The following SEMA3C variants were observed in gnomAD, a reference collection of about 807,000 sequenced individuals.
SEMA3C encodes the protein semaphorin 3C.
Under a neutral mutation model 89.4 loss-of-function variants are expected in SEMA3C, and 47 were observed. That is an observed-to-expected ratio of 0.53 (90% CI 0.42 to 0.67). The LOEUF is 0.67. SEMA3C is among the 30% of genes least tolerant of loss of function. SEMA3C has a pLI of 0.00. For synonymous variants in SEMA3C, 310 were observed against 320.2 expected, an observed-to-expected ratio of 0.97 and a Z score of 0.34; for missense variants, 839 against 929.1, an observed-to-expected ratio of 0.90 and a Z score of 1.26.
intron 6 of SEMA3C, among the ~76,000 whole-genome samples, chr7:80,808,849 A>C (rs1789402265): frequency 6.6e-6 from 1 of 152,112 alleles, no homozygotes. Flanking sequence ...ATCTCGGCTC[A>C]CCACAACCTC....
intron 2 of SEMA3C, among the ~76,000 whole-genome samples, chr7:80,859,900 TA>T (rs1291583901): frequency 6.6e-6 from 1 of 152,056 alleles, no homozygotes. Flanking sequence ...AGTCCCTTTG[TA>T]AGTCTGCTAG....
intron 15 of SEMA3C, among the ~76,000 whole-genome samples, chr7:80,753,448 G>T (rs1210372269): frequency 1.3e-5 from 2 of 152,134 alleles, no homozygotes; most frequent in Non-Finnish European, 2.9e-5. Context: ...GTTTATTCAT[G>T]TATACAAACT....
intron 6 of SEMA3C, among the ~76,000 whole-genome samples, chr7:80,808,692 T>C (rs1210027283): frequency 6.6e-6 from 1 of 152,186 alleles, no homozygotes; most frequent in Non-Finnish European, 1.5e-5. Context: ...ATTTTAATGC[T>C]GGCAATACAT....
chr7:80,833,305 C>T (rs568728685), intron 2 of SEMA3C, among the ~76,000 whole-genome samples: 61 of 151,882 alleles, frequency 4.0e-4, no homozygotes, highest in East Asian at 3.9e-4. Flanking sequence ...TGGTGGCAGA[C>T]GCATGTAATC....
chr7:80,911,369 T>C (rs925562689), intron 2 of SEMA3C, among the ~76,000 whole-genome samples: 2 of 152,168 alleles, frequency 1.3e-5, no homozygotes, highest in African/African-American at 4.8e-5. Context: ...CAAAAAGTAG[T>C]ATACACCTAG....
chr7:80,827,591 A>G (rs181536139), intron 3 of SEMA3C, 104 bp from the exon 4 acceptor site: 96 of 716,640 alleles, frequency 1.3e-4, no homozygotes, highest in Middle Eastern at 2.7e-4. Context: ...AGGTGATCTT[A>G]CACTAAGACT....
chr7:80,917,210 C>T (rs772960681), intron 1 of SEMA3C, among the ~76,000 whole-genome samples: 4 of 152,172 alleles, frequency 2.6e-5, no homozygotes, highest in Non-Finnish European at 4.4e-5. Context: ...ACTCTTTCCC[C>T]CCACTAACGT....
intron 9 of SEMA3C, among the ~76,000 whole-genome samples, chr7:80,802,285 G>A (rs1789227108): frequency 6.6e-6 from 1 of 151,920 alleles, no homozygotes; most frequent in African/African-American, 2.4e-5. Flanking sequence ...AGCTACAATA[G>A]TAAAAATATA....
chr7:80,743,947 T>G lies in SEMA3C; in HGVS notation c.*947A>C, dbSNP rs1787739157. 1 of 152,094 alleles carries G rather than the reference T, an allele frequency of 6.6e-6. No individual in the cohort carries two copies. The allele number at this position is 152,094 out of a possible 1,614,324, so 9.4% of individuals were successfully genotyped here. A position where few individuals can be genotyped will look rare whatever the true frequency, so the allele number is the denominator to read the frequency against. On this transcript the variant is annotated 3_prime_UTR_variant, in exon 18 of 18. Transcript: ENST00000265361. ...AGTTGAAAACTAGCCATATTTGTTA[T>G]AAATTCCTCTTAAAAAATTAGTAGT...
intron 2 of SEMA3C, among the ~76,000 whole-genome samples, chr7:80,867,703 C>A (rs147983951): frequency 6.7e-6 from 1 of 148,528 alleles, no homozygotes; most frequent in African/African-American, 2.6e-5. Context: ...CTTTCTATAT[C>A]GATATGTATA....
intron 2 of SEMA3C, among the ~76,000 whole-genome samples, chr7:80,860,608 C>T (rs1790748935): frequency 6.6e-6 from 1 of 152,138 alleles, no homozygotes; most frequent in African/African-American, 2.4e-5. Flanking sequence ...AATCAGAGAG[C>T]AAGATCTAAG....
chr7:80,789,596 T>C (rs1413639419), intron 11 of SEMA3C, 68 bp from the exon 12 acceptor site: 21 of 1,141,908 alleles, frequency 1.8e-5, no homozygotes, highest in Non-Finnish European at 2.6e-5. Flanking sequence ...AATCAAAAAC[T>C]CTCTACTTTT....
intron 4 of SEMA3C, 49 bp from the exon 5 acceptor site, chr7:80,818,467 T>C (rs1037420463): frequency 6.3e-7 from 1 of 1,579,890 alleles, no homozygotes; most frequent in Non-Finnish European, 8.7e-7. Context: ...ACTTTCATTG[T>C]TATTTCAGTT....
At chr7:80,750,473 T>TATATATATATACACACAC (rs869227686) in intron 16 of SEMA3C, among the ~76,000 whole-genome samples, 11 of 55,430 alleles carry the variant, frequency 2.0e-4, no homozygotes, top group East Asian at 9.3e-4. Context: ...TATATATATA[T>TATATATATATACACACAC]ACACACACAC....
At chr7:80,771,219 C>A (rs1486417601) in intron 12 of SEMA3C, among the ~76,000 whole-genome samples, 1 of 152,188 alleles carries the variant, frequency 6.6e-6, no homozygotes, top group African/African-American at 2.4e-5. Flanking sequence ...GCTGAGTACA[C>A]TTTTGACACA....
intron 6 of SEMA3C, among the ~76,000 whole-genome samples, chr7:80,806,668 T>C (rs745757619): frequency 6.6e-5 from 10 of 152,172 alleles, no homozygotes; most frequent in Non-Finnish European, 1.3e-4. Context: ...AAGCATTGAA[T>C]TGGTAACAAA....
chr7:80,756,992 G>T (rs559224481), intron 15 of SEMA3C, among the ~76,000 whole-genome samples: 31 of 152,040 alleles, frequency 2.0e-4, no homozygotes, highest in African/African-American at 7.0e-4. Flanking sequence ...AGAGATTTTT[G>T]TCTTTTTTCC....
intron 16 of SEMA3C, among the ~76,000 whole-genome samples, chr7:80,750,961 A>G (rs1366490053): frequency 2.6e-5 from 4 of 152,176 alleles, no homozygotes; most frequent in Non-Finnish European, 4.4e-5. Flanking sequence ...AAATCTTAAA[A>G]TGGAAAATAG....
Position 80,867,005 on chromosome 7 carries a change from TGA to T in SEMA3C, c.104-38262_104-38261del, listed in dbSNP as rs776883049. On this transcript the variant is annotated intron_variant, in intron 2 of 17. Coordinates refer to ENST00000265361, the MANE Select transcript of SEMA3C (RefSeq NM_006379.5). Reference sequence around the variant, plus strand: ...TGAGCAAGTTTTAGGTAGAGAAAAGTGAGAGAGAATTCTAGGGAAGAGTTTCG... The same window carrying T: ...TGAGCAAGTTTTAGGTAGAGAAAAGTGAGAGAATTCTAGGGAAGAGTTTCG... Among the ~76,000 whole-genome samples the T allele has an allele frequency of 2.9e-4, 44 of 152,252 alleles. No homozygotes were observed. In the Middle Eastern group the frequency reaches 0.01, roughly 35 times the overall value.
Sources: gnomAD v4.1 joint callset for allele counts (sites outside exome capture counted in the v4.1 genomes callset) on GRCh38, gnomAD v4.1.1 for gene constraint, MANE v1.5 for transcripts, NCBI Gene and HGNC (gene_info 2026-07-23, HGNC 2026-07-21) for gene names.